Variants in DOCK3 observed in about 807,000 individuals in gnomAD.
DOCK3 encodes dedicator of cytokinesis protein 3.
Under a neutral mutation model 265.6 loss-of-function variants are expected in DOCK3, and 60 were observed. That is an observed-to-expected ratio of 0.23 (90% CI 0.18 to 0.28). The LOEUF is 0.28. Ranked by LOEUF, DOCK3 falls within the 10% of genes least tolerant of loss-of-function variation. The pLI is 1.00. For synonymous variants in DOCK3, 881 were observed against 938.0 expected (o/e 0.94, Z 1.11); for missense variants, 1,981 against 2,594.3 (o/e 0.76, Z 5.14).
At chr3:51,372,772 C>T (rs2087790904) in intron 49 of DOCK3, among the ~76,000 whole-genome samples, 1 of 152,282 alleles carries the variant, frequency 6.6e-6, no homozygotes, top group Admixed American at 6.5e-5. Flanking sequence ...GGCTGCAATG[C>T]TCAGGAAGCA....
intron 23 of DOCK3, among the ~76,000 whole-genome samples, chr3:51,264,170 ACT>A (rs1033424317): frequency 2.5e-4 from 38 of 152,222 alleles, no homozygotes; most frequent in African/African-American, 9.2e-4. Flanking sequence ...GAAGTAAAAC[ACT>A]CTTCGGCAAA....
chr3:50,704,818 A>G (rs955984948), intron 1 of DOCK3, among the ~76,000 whole-genome samples: 4 of 151,908 alleles, frequency 2.6e-5, no homozygotes, highest in Non-Finnish European at 5.9e-5. Context: ...TAGTAGAGAC[A>G]GGGTTTTGTC....
At chr3:50,681,642 A>T (rs1290116319) in intron 1 of DOCK3, among the ~76,000 whole-genome samples, 1 of 152,124 alleles carries the variant, frequency 6.6e-6, no homozygotes, top group East Asian at 1.9e-4. Context: ...CTTGCAGTTG[A>T]TTTGCTATAT....
Position 51,381,635 on chromosome 3 carries a change from C to A in DOCK3, c.*76C>A. The A allele has an allele frequency of 7.0e-7, 1 of 1,433,818 alleles. No individual in the cohort carries two copies. 88.8% of individuals were successfully genotyped at this position (1,433,818 alleles called of 1,614,324 possible). A position where few individuals can be genotyped will look rare whatever the true frequency, so the allele number is the denominator to read the frequency against. On this transcript the variant is annotated 3_prime_UTR_variant, in exon 53 of 53. Coordinates refer to ENST00000266037, the MANE Select transcript of DOCK3 (RefSeq NM_004947.5). This position sits in a 1 kb window ranked among gnomAD's most constrained non-coding sequence, Gnocchi z 5.6. ...ACTCCAGGTCTGAAAAGCAAGTCCC[C>A]CAGCCCCACCCCAGGGAGCCAGAGA...
chr3:51,382,995 A>C lies in DOCK3; in HGVS notation c.*1436A>C, dbSNP rs1460115957. On this transcript the variant is annotated 3_prime_UTR_variant, in exon 53 of 53. Transcript: ENST00000266037. ...TTTTTTCTTTTATTTGCTCGAGTTC[A>C]CATTAATGATGGTCACAAGGCTGCC... 1.3e-5 allele frequency: 2 copies of C among 152,122 alleles called. No individual in the cohort carries two copies. Among genetic ancestry groups the C allele is most frequent in the Non-Finnish European group, 2.9e-5 (2 of 68,018 alleles). 9.4% of individuals were successfully genotyped at this position (152,122 alleles called of 1,614,324 possible). A position where few individuals can be genotyped will look rare whatever the true frequency, so the allele number is the denominator to read the frequency against.
At chr3:50,719,471 A>T in intron 1 of DOCK3, 1 of 761,820 alleles carries the variant, frequency 1.3e-6, no homozygotes, top group Non-Finnish European at 2.2e-6. Flanking sequence ...ATAAAGCACA[A>T]GTCAAATTTA....
intron 14 of DOCK3, among the ~76,000 whole-genome samples, chr3:51,219,049 A>G (rs556803813): frequency 1.3e-5 from 2 of 152,230 alleles, no homozygotes; most frequent in Non-Finnish European, 2.9e-5. Context: ...GGACATATCT[A>G]TTAGAAGGCA....
At position 51,237,536 on chromosome 3, in the gene DOCK3, G is replaced by A. The variant is rs201425737; in HGVS notation, c.2048G>A (p.Arg683Gln). 1.2e-4 allele frequency: 201 copies of A among 1,612,896 alleles called. No homozygotes were observed. In the African/African-American group the frequency reaches 1.4e-3, roughly 11 times the overall value. ...LLRDIKYFHFRPVMDTYIQKH... is the reference protein window; with the variant it reads ...LLRDIKYFHFQPVMDTYIQKH... ...CGAGACATCAAGTATTTTCACTTTC[G>A]ACCTGTGATGGACACGTATATCCAG... The change falls in exon 21 of 53, where the codon CGA becomes CAA. Residue 683 changes from arginine to glutamine, a missense_variant. By Grantham distance (43) the Arg-to-Gln change is conservative. This residue lies in a region of DOCK3 where 1,357 missense variants were observed against 1,866.8 expected (regional missense o/e 0.73). Transcript: ENST00000266037.
At chr3:51,236,236 T>A in intron 19 of DOCK3, 109 bp from the exon 20 acceptor site, 1 of 840,372 alleles carries the variant, frequency 1.2e-6, no homozygotes, top group South Asian at 1.5e-5. Context: ...TATTTTGAGA[T>A]CCTAAGAGAT....
At chr3:50,676,476 A>G (rs978468534) in intron 1 of DOCK3, among the ~76,000 whole-genome samples, 18 of 152,332 alleles carry the variant, frequency 1.2e-4, no homozygotes, top group Admixed American at 1.0e-3. Flanking sequence ...TTGAGAAGGA[A>G]TTGAGAAATG....
intron 5 of DOCK3, among the ~76,000 whole-genome samples, chr3:51,023,710 G>A (rs78113463): frequency 0.046 from 6,985 of 152,130 alleles, 578 homozygotes; most frequent in African/African-American, 0.16. Flanking sequence ...CATCAGGCCT[G>A]GTCTGATTGA....
Position 51,359,074 on chromosome 3 carries a change from A to G in DOCK3, c.4884+997A>G, listed in dbSNP as rs2086558143. 6.6e-6 allele frequency among the ~76,000 whole-genome samples: 1 copy of G among 152,266 alleles called. No individual in the cohort carries two copies. Among genetic ancestry groups the G allele is most frequent in the Admixed American group, 6.5e-5 (1 of 15,290 alleles). ...CAGAAGTGGCAGGGAGACAAGAAGT[A>G]GAGCTGTTCAATGCTGCACGAGGTT... On this transcript the variant is annotated intron_variant, in intron 46 of 52. Transcript: ENST00000266037. The surrounding 1 kb of genome is among the most constrained non-coding windows in gnomAD (Gnocchi z 4.8).
chr3:51,376,256 G>T (rs2088118277), intron 51 of DOCK3, among the ~76,000 whole-genome samples: 1 of 152,202 alleles, frequency 6.6e-6, no homozygotes, highest in Non-Finnish European at 1.5e-5. Context: ...GGCCAAACAA[G>T]CCCCAAGAGG....
intron 1 of DOCK3, among the ~76,000 whole-genome samples, chr3:50,755,700 T>G (rs1265818587): frequency 6.6e-6 from 1 of 152,216 alleles, no homozygotes; most frequent in Non-Finnish European, 1.5e-5. Flanking sequence ...GATTAGTGAA[T>G]CCATTTTCTG....
intron 2 of DOCK3, among the ~76,000 whole-genome samples, chr3:50,800,134 G>C (rs532864678): frequency 2.3e-4 from 35 of 152,170 alleles, no homozygotes; most frequent in Non-Finnish European, 4.3e-4. Flanking sequence ...GTTCATCAGG[G>C]ATATTGGCAT....
At chr3:50,938,151 A>G (rs943004615) in intron 5 of DOCK3, among the ~76,000 whole-genome samples, 1 of 152,120 alleles carries the variant, frequency 6.6e-6, no homozygotes, top group Non-Finnish European at 1.5e-5. Context: ...CTAATATCAG[A>G]AAAATTCAAT....
chr3:50,924,799 C>T (rs1295539424), intron 4 of DOCK3, among the ~76,000 whole-genome samples: 1 of 152,206 alleles, frequency 6.6e-6, no homozygotes, highest in Non-Finnish European at 1.5e-5. Flanking sequence ...TCTTTCACAG[C>T]ATTCTTTTCA....
At chr3:50,880,449 C>A in intron 3 of DOCK3, 1 of 155,368 alleles carries the variant, frequency 6.4e-6, no homozygotes, top group Non-Finnish European at 1.4e-5. Context: ...GGGGATATCA[C>A]CGCCGATCCC....
chr3:50,905,001 C>G (rs1396512843), intron 4 of DOCK3, among the ~76,000 whole-genome samples: 1 of 152,092 alleles, frequency 6.6e-6, no homozygotes, highest in African/African-American at 2.4e-5. Flanking sequence ...TTTCCCAGAA[C>G]CGTTTGTTAA....
Sources: gnomAD v4.1 joint callset for allele counts (sites outside exome capture counted in the v4.1 genomes callset) on GRCh38, gnomAD v4.1.1 for gene constraint, gnomAD v4.1.1 regional missense constraint, Gnocchi (gnomAD v3.1) non-coding constraint, MANE v1.5 for transcripts, NCBI Gene and HGNC (gene_info 2026-07-23, HGNC 2026-07-21) for gene names.